Variants in ADCY3 observed in about 807,000 individuals in gnomAD.
ADCY3 encodes the protein adenylate cyclase 3, also known as adenylate cyclase type 3.
In ADCY3, 70 loss-of-function variants were observed where a neutral mutation model predicts 119.4. The observed-to-expected ratio is 0.59, with a 90% CI of 0.48 to 0.72. The LOEUF is 0.72. Among genes scored for constraint, ADCY3 ranks in the 30% least tolerant of loss-of-function variants. The probability of loss-of-function intolerance (pLI) is 0.00; values close to 1 mark genes in which losing one functional copy is unlikely to be tolerated. For missense variants in ADCY3, 1,238 were observed against 1,541.6 expected, an observed-to-expected ratio of 0.80 and a Z score of 3.30; for synonymous variants, 672 against 621.4, an observed-to-expected ratio of 1.08 and a Z score of -1.21.
At chr2:24,876,832 C>T (rs1399573309) in intron 2 of ADCY3, among the ~76,000 whole-genome samples, 1 of 152,206 alleles carries the variant, frequency 6.6e-6, no homozygotes, top group Non-Finnish European at 1.5e-5. Flanking sequence ...TTTCACGTCA[C>T]CATGACACAT....
intron 3 of ADCY3, among the ~76,000 whole-genome samples, chr2:24,862,240 T>C (rs899867571): frequency 2.0e-5 from 3 of 152,102 alleles, no homozygotes; most frequent in African/African-American, 7.2e-5. Context: ...TCCCTTTCTA[T>C]CTGGTTTTAA....
rs1478289734 is a variant in ADCY3 at position 24,827,593 on chromosome 2, G to C, written c.2448C>G (p.Ala816=). 6.3e-7 allele frequency: 1 copy of C among 1,587,630 alleles called. No homozygotes were observed. The highest frequency in any genetic ancestry group is 8.6e-7 in the Non-Finnish European group (1 of 1,163,914). ...RFREHDLPMV[A]LEQMQGFNPG... is the part of the protein sequence containing the mutation. The stretch of plus-strand genomic sequence containing the variant: ...GGTTGAATCCTTGCATCTGCTCTAA[G>C]GCCACCATAGGTAAGCTGTTGGACA... The change falls in exon 15 of 22, where the codon GCC becomes GCG. Residue 816 remains alanine (A), a synonymous_variant. Transcript: ENST00000679454.
chr2:24,880,922 G>A (rs1335677849), intron 2 of ADCY3, among the ~76,000 whole-genome samples: 1 of 151,978 alleles, frequency 6.6e-6, no homozygotes, highest in Non-Finnish European at 1.5e-5. Context: ...GGCTGAGGCA[G>A]GAGAATCGCT....
rs754914420 is a variant in ADCY3, at chr2:24,839,959, G to GC, written c.1268dup (p.Val424ArgfsTer15). 2.5e-6 allele frequency: 4 copies of GC among 1,613,674 alleles called. No homozygotes were observed. The highest frequency in any genetic ancestry group is 1.3e-5 in the African/African-American group (1 of 74,924). The stretch of plus-strand genomic sequence containing the variant: ...ACTGCCAGCGCTTCTGGCCCAGGAC[G>GC]CCCCCCAGCACGGTGCCCGTGTGCA... On this transcript the variant is annotated frameshift_variant, in exon 7 of 22. Transcript: ENST00000679454. LOFTEE classifies it high-confidence loss of function.
intron 2 of ADCY3, among the ~76,000 whole-genome samples, chr2:24,875,647 G>C (rs1483258354): frequency 2.0e-5 from 3 of 152,208 alleles, no homozygotes; most frequent in South Asian, 4.1e-4. Flanking sequence ...AGGCAACACT[G>C]ACGTGCAGCC....
chr2:24,862,321 C>T (rs909387714), intron 3 of ADCY3, among the ~76,000 whole-genome samples: 42 of 152,044 alleles, frequency 2.8e-4, no homozygotes, highest in African/African-American at 9.7e-4. Flanking sequence ...CTGAGGTGGG[C>T]GGATCACGAG....
At chr2:24,880,286 C>T (rs1051864083) in intron 2 of ADCY3, among the ~76,000 whole-genome samples, 16 of 152,232 alleles carry the variant, frequency 1.1e-4, no homozygotes, top group Non-Finnish European at 2.1e-4. Context: ...TCTCAGGTTG[C>T]GCACTGCCAG....
chr2:24,915,871 C>T (rs191247544), intron 2 of ADCY3, among the ~76,000 whole-genome samples: 13 of 152,268 alleles, frequency 8.5e-5, no homozygotes, highest in Middle Eastern at 3.4e-3. Context: ...GGCCAAATGC[C>T]GGGATGCTGT....
At chr2:24,851,153 A>G (rs1299054601) in intron 3 of ADCY3, among the ~76,000 whole-genome samples, 3 of 152,202 alleles carry the variant, frequency 2.0e-5, no homozygotes. Flanking sequence ...TAGAAAGGGA[A>G]CATCCCTCAA....
At chr2:24,900,548 G>A (rs1678790985) in intron 2 of ADCY3, among the ~76,000 whole-genome samples, 1 of 152,100 alleles carries the variant, frequency 6.6e-6, no homozygotes, top group Non-Finnish European at 1.5e-5. Flanking sequence ...TGAGCAGCCT[G>A]GGCAAACAGG....
At chr2:24,874,791 C>G (rs1297688074) in intron 2 of ADCY3, among the ~76,000 whole-genome samples, 1 of 152,136 alleles carries the variant, frequency 6.6e-6, no homozygotes, top group Admixed American at 6.5e-5. Context: ...GTCCAGGGTT[C>G]CCCCCGAATT....
chr2:24,875,163 A>AACTC (rs1315333843), intron 2 of ADCY3, among the ~76,000 whole-genome samples: 4 of 96,932 alleles, frequency 4.1e-5, no homozygotes, highest in Non-Finnish European at 1.9e-5. Flanking sequence ...CCTGCCAGTG[A>AACTC]GCTGATTCTA....
chr2:24,919,109 G>A lies in ADCY3; in HGVS notation c.-122C>T. The A allele has an allele frequency of 9.3e-7, 1 of 1,080,572 alleles. No individual in the cohort carries two copies. The highest frequency in any genetic ancestry group is 2.9e-5 in the Admixed American group (1 of 34,770). The allele number at this position is 1,080,572 out of a possible 1,614,324, so 66.9% of individuals were successfully genotyped here. A position where few individuals can be genotyped will look rare whatever the true frequency, so the allele number is the denominator to read the frequency against. On this transcript the variant is annotated 5_prime_UTR_variant, in exon 2 of 22. Transcript: ENST00000679454. This position sits in a 1 kb window ranked among gnomAD's most constrained non-coding sequence, Gnocchi z 5.5. ...GAGGGCTGAGGGCCTCTTCTTGTCTGGGGCGGAGGGGAGGCCACCTCCAGC... is the reference window on the plus strand; with the variant it reads ...GAGGGCTGAGGGCCTCTTCTTGTCTAGGGCGGAGGGGAGGCCACCTCCAGC...
At position 24,838,525 on chromosome 2, in the gene ADCY3, T is replaced by TAGAAGGTACG; in HGVS notation, c.1452_1453insCGTACCTTCT (p.Lys485ArgfsTer4). 6.2e-7 allele frequency: 1 copy of TAGAAGGTACG among 1,614,122 alleles called. No homozygotes were observed. Among genetic ancestry groups the TAGAAGGTACG allele is most frequent in the Non-Finnish European group, 8.5e-7 (1 of 1,180,024 alleles). ...ATGATGAGGTAGGTTTCAATACCCT[T>TAGAAGGTACG]CTCTTCTAGGTAATCACAGCGGCTG... On this transcript the variant is annotated frameshift_variant, in exon 8 of 22. Coordinates refer to ENST00000679454, the MANE Select transcript of ADCY3 (RefSeq NM_004036.5). LOFTEE classifies it high-confidence loss of function.
chr2:24,902,399 G>A (rs1679020229), intron 2 of ADCY3, among the ~76,000 whole-genome samples: 1 of 151,762 alleles, frequency 6.6e-6, no homozygotes, highest in African/African-American at 2.4e-5. Flanking sequence ...ATATTTTGAT[G>A]AATATGGACA....
At chr2:24,876,537 T>C (rs2148842291) in intron 2 of ADCY3, among the ~76,000 whole-genome samples, 1 of 152,310 alleles carries the variant, frequency 6.6e-6, no homozygotes, top group African/African-American at 2.4e-5. Flanking sequence ...GCAAAATGAA[T>C]GTGCCCCTCA....
chr2:24,829,216 C>T (rs1285105222), intron 13 of ADCY3, among the ~76,000 whole-genome samples: 1 of 151,470 alleles, frequency 6.6e-6, no homozygotes, highest in Non-Finnish European at 1.5e-5. Flanking sequence ...GGGGTTTCAC[C>T]ATCTTGGCCA....
In ADCY3 at chr2:24,910,524, C is replaced by T. The variant is rs377343838; in HGVS notation, c.675+7789G>A. Among the ~76,000 whole-genome samples, 22 of 152,188 alleles carry T rather than the reference C, an allele frequency of 1.4e-4. No homozygotes were observed. In the East Asian group the frequency reaches 2.1e-3, roughly 15 times the overall value. On this transcript the variant is annotated intron_variant, in intron 2 of 21. Coordinates refer to ENST00000679454, the MANE Select transcript of ADCY3 (RefSeq NM_004036.5). ...ATACTCAGTAACACTGAGTAATGAG[C>T]CATCCCACATTACTGAATTTCCAAA... is the stretch of plus-strand genomic sequence containing the variant.
intron 2 of ADCY3, among the ~76,000 whole-genome samples, chr2:24,882,615 C>T (rs573401510): frequency 2.1e-4 from 32 of 152,262 alleles, no homozygotes; most frequent in African/African-American, 7.2e-4. Context: ...TAAAGAAGTC[C>T]GTTTTAAAGC....
Sources: allele counts gnomAD v4.1 joint callset (sites outside exome capture counted in the v4.1 genomes callset), GRCh38; gene constraint gnomAD v4.1.1; non-coding constraint Gnocchi (gnomAD v3.1); transcripts MANE v1.5; gene names NCBI Gene and HGNC (gene_info 2026-07-23, HGNC 2026-07-21).